Variants in FNBP1 observed in about 807,000 individuals in gnomAD.
FNBP1 encodes the protein formin-binding protein 1.
FNBP1 carries 26 observed loss-of-function variants against 90.6 expected under a neutral mutation model. The observed-to-expected ratio is 0.29, with a 90% CI of 0.21 to 0.40. FNBP1 has a LOEUF of 0.40. Ranked by LOEUF, FNBP1 falls within the 10% of genes least tolerant of loss-of-function variation. The pLI, the probability that FNBP1 is intolerant of heterozygous loss-of-function variation, is 1.00. For missense variants in FNBP1, 635 were observed against 768.0 expected (o/e 0.83, Z 2.05); for synonymous variants, 260 against 265.2 (o/e 0.98, Z 0.19).
intron 1 of FNBP1, among the ~76,000 whole-genome samples, chr9:130,010,723 A>G (rs55700510): frequency 0.011 from 1,607 of 150,994 alleles, 41 homozygotes; most frequent in African/African-American, 0.037. Flanking sequence ...CATGTGAGAT[A>G]GAAAATGTGC....
intron 11 of FNBP1, among the ~76,000 whole-genome samples, chr9:129,912,602 C>G (rs898466850): frequency 6.6e-6 from 1 of 150,382 alleles, no homozygotes; most frequent in Non-Finnish European, 1.5e-5. Context: ...GCAGGAAAAT[C>G]GCTTGAACCC....
intron 1 of FNBP1, among the ~76,000 whole-genome samples, chr9:130,018,629 G>A (rs1284873608): frequency 6.6e-6 from 1 of 152,032 alleles, no homozygotes; most frequent in Non-Finnish European, 1.5e-5. Context: ...ACTGGTGCGT[G>A]ATCTCAGCTC....
At chr9:129,970,420 G>T (rs1276701476) in intron 4 of FNBP1, among the ~76,000 whole-genome samples, 2 of 151,482 alleles carry the variant, frequency 1.3e-5, no homozygotes, top group African/African-American at 4.9e-5. Flanking sequence ...TGGCCAGGCT[G>T]GTCTCAAACT....
chr9:129,908,197 T>C (rs1324560252), intron 12 of FNBP1, among the ~76,000 whole-genome samples: 2 of 88,572 alleles, frequency 2.3e-5, no homozygotes, highest in African/African-American at 7.7e-5. Context: ...AAGGCTGGTC[T>C]CTCTCTCTTT....
rs544232075 is a variant in FNBP1, at chr9:129,888,230, G to C, written c.*2309C>G. On this transcript the variant is annotated 3_prime_UTR_variant, in exon 17 of 17. Transcript: ENST00000446176. ...ATGTTGCAAGAAATGAATCTATCCT[G>C]ACCCATAATATGAAAGATGTGACGC... 8.6e-6 allele frequency: 2 copies of C among 232,602 alleles called. No individual in the cohort carries two copies. The highest frequency in any genetic ancestry group is 1.7e-5 in the Non-Finnish European group (2 of 117,714). 14.4% of individuals were successfully genotyped at this position (232,602 alleles called of 1,614,324 possible).
intron 1 of FNBP1, among the ~76,000 whole-genome samples, chr9:129,998,386 C>T (rs778293035): frequency 6.6e-6 from 1 of 151,462 alleles, no homozygotes; most frequent in Middle Eastern, 3.4e-3. Context: ...TGGTGGCGCA[C>T]GCCTATAATC....
chr9:129,919,668 A>T (rs2040802792), intron 10 of FNBP1, among the ~76,000 whole-genome samples: 1 of 152,224 alleles, frequency 6.6e-6, no homozygotes, highest in Non-Finnish European at 1.5e-5. Context: ...AGTTATGCTG[A>T]GATATGTTTG....
intron 6 of FNBP1, among the ~76,000 whole-genome samples, chr9:129,932,960 T>G (rs1322735207): frequency 6.6e-6 from 1 of 152,136 alleles, no homozygotes; most frequent in Non-Finnish European, 1.5e-5. Flanking sequence ...CATTTCGCTA[T>G]GAATGTTTAA....
At chr9:129,918,076 T>A (rs2040531308) in intron 10 of FNBP1, among the ~76,000 whole-genome samples, 1 of 152,232 alleles carries the variant, frequency 6.6e-6, no homozygotes, top group Non-Finnish European at 1.5e-5. Flanking sequence ...AAGTTATATA[T>A]TCTTTCTTAA....
intron 1 of FNBP1, chr9:130,013,840 A>G (rs2056917642): frequency 2.3e-6 from 1 of 438,490 alleles, no homozygotes; most frequent in South Asian, 1.6e-5. Flanking sequence ...GGCTTGTTAC[A>G]AAAGGGAGTT....
chr9:129,949,789 C>T (rs1418121859), intron 6 of FNBP1, among the ~76,000 whole-genome samples: 1 of 150,962 alleles, frequency 6.6e-6, no homozygotes, highest in Non-Finnish European at 1.5e-5. Flanking sequence ...TGGTTTCAAT[C>T]CATATCTGGG....
chr9:129,983,327 C>T (rs2051593937), intron 2 of FNBP1, among the ~76,000 whole-genome samples: 1 of 152,100 alleles, frequency 6.6e-6, no homozygotes, highest in African/African-American at 2.4e-5. Context: ...ATATAGCATT[C>T]AAAATGCTTC....
intron 12 of FNBP1, among the ~76,000 whole-genome samples, chr9:129,906,535 G>T (rs530281483): frequency 6.6e-6 from 1 of 152,176 alleles, no homozygotes; most frequent in African/African-American, 2.4e-5. Context: ...AAGCTCTGCC[G>T]AATGCCACCA....
At chr9:129,958,384 A>T (rs2047261182) in intron 5 of FNBP1, 107 bp downstream of exon 5, 7 of 775,214 alleles carry the variant, frequency 9.0e-6, no homozygotes, top group African/African-American at 1.8e-5. Flanking sequence ...GTGAGCCGAG[A>T]TCGCACCATT....
chr9:130,029,993 T>C (rs12353358), intron 1 of FNBP1, among the ~76,000 whole-genome samples: 41,288 of 151,530 alleles, frequency 0.27, 5,869 homozygotes, highest in Non-Finnish European at 0.33. Flanking sequence ...AAATTACAGA[T>C]TCTTACACAT....
intron 11 of FNBP1, chr9:129,915,010 C>A (rs1391781457): frequency 2.9e-6 from 1 of 350,198 alleles, no homozygotes; most frequent in Non-Finnish European, 6.0e-6. Context: ...TGACTGTTGA[C>A]TAGGCATATA....
intron 1 of FNBP1, among the ~76,000 whole-genome samples, chr9:130,025,032 T>G (rs2058209025): frequency 6.6e-6 from 1 of 151,932 alleles, no homozygotes; most frequent in African/African-American, 2.4e-5. Flanking sequence ...ATACAAAAAT[T>G]AGCCGGGCGT....
chr9:129,955,520 G>T (rs2046794060), intron 6 of FNBP1, among the ~76,000 whole-genome samples: 1 of 149,294 alleles, frequency 6.7e-6, no homozygotes, highest in Non-Finnish European at 1.5e-5. Context: ...ATAGGCATGA[G>T]CCCATACACC....
intron 1 of FNBP1, among the ~76,000 whole-genome samples, chr9:129,995,638 C>T (rs2053875479): frequency 6.6e-6 from 1 of 152,142 alleles, no homozygotes; most frequent in Non-Finnish European, 1.5e-5. Flanking sequence ...TACCACTGCA[C>T]TCCAGCCTGG....
Sources: gnomAD v4.1 joint callset for allele counts (sites outside exome capture counted in the v4.1 genomes callset) on GRCh38, gnomAD v4.1.1 for gene constraint, MANE v1.5 for transcripts, NCBI Gene and HGNC (gene_info 2026-07-23, HGNC 2026-07-21) for gene names.